Variants in CSGALNACT1 observed in about 807,000 individuals in gnomAD.
CSGALNACT1 encodes the protein beta4GalNAcT-1.
In CSGALNACT1, 52 loss-of-function variants were observed where a neutral mutation model predicts 51.0. The ratio of observed to expected loss-of-function variants is 1.02; its 90% CI spans 0.82 to 1.29. The LOEUF (loss-of-function observed/expected upper bound fraction) is 1.29. CSGALNACT1 is among the 50% of genes most tolerant of loss of function. The pLI, the probability that CSGALNACT1 is intolerant of heterozygous loss-of-function variation, is 0.00. For synonymous variants in CSGALNACT1, 341 were observed against 254.4 expected (o/e 1.34, Z -3.24); for missense variants, 935 against 679.2 (o/e 1.38, Z -4.19).
chr8:19,627,486 G>A (rs920857532), intron 1 of CSGALNACT1, among the ~76,000 whole-genome samples: 7 of 152,098 alleles, frequency 4.6e-5, no homozygotes, highest in South Asian at 4.2e-4. Flanking sequence ...ATCTAGAGAG[G>A]TAATAACATT....
chr8:19,511,698 G>C (rs375989606), intron 3 of CSGALNACT1, among the ~76,000 whole-genome samples: 1 of 152,128 alleles, frequency 6.6e-6, no homozygotes, highest in Non-Finnish European at 1.5e-5. Context: ...GTCTTGATGT[G>C]AGTGACTGTA....
chr8:19,696,248 A>C (rs531016043), intron 1 of CSGALNACT1, among the ~76,000 whole-genome samples: 1 of 152,308 alleles, frequency 6.6e-6, no homozygotes, highest in East Asian at 1.9e-4. Flanking sequence ...TCCAACTTAC[A>C]TTTTATGCAA....
intron 3 of CSGALNACT1, among the ~76,000 whole-genome samples, chr8:19,582,603 T>G (rs1284700054): frequency 6.6e-6 from 1 of 152,088 alleles, no homozygotes; most frequent in Non-Finnish European, 1.5e-5. Flanking sequence ...CATGACCCAG[T>G]CAAAGCCAAT....
chr8:19,524,766 A>T (rs1462205088), intron 3 of CSGALNACT1, among the ~76,000 whole-genome samples: 1 of 152,174 alleles, frequency 6.6e-6, no homozygotes, highest in Admixed American at 6.5e-5. Context: ...TGATTGCCTA[A>T]GCCCCCAAGA....
At chr8:19,649,841 A>AAAAAAAAAAC (rs1564347596) in intron 1 of CSGALNACT1, among the ~76,000 whole-genome samples, 1 of 149,030 alleles carries the variant, frequency 6.7e-6, no homozygotes, top group African/African-American at 2.5e-5. Context: ...AAAAAAAAAA[A>AAAAAAAAAAC]AAAACCACGG....
At chr8:19,413,459 C>T (rs561349839) in intron 8 of CSGALNACT1, among the ~76,000 whole-genome samples, 7 of 152,262 alleles carry the variant, frequency 4.6e-5, no homozygotes, top group African/African-American at 1.4e-4. Context: ...ACGTGGGCAC[C>T]GGACTGGCTT....
At chr8:19,629,327 C>T (rs766930328) in intron 1 of CSGALNACT1, among the ~76,000 whole-genome samples, 1 of 152,178 alleles carries the variant, frequency 6.6e-6, no homozygotes, top group Non-Finnish European at 1.5e-5. Context: ...TCATTGTACT[C>T]AAAATGAAAC....
chr8:19,428,867 GTGTGTGTGTA>G (rs1459805189), intron 6 of CSGALNACT1, among the ~76,000 whole-genome samples: 23 of 136,360 alleles, frequency 1.7e-4, no homozygotes, highest in African/African-American at 6.2e-4. Flanking sequence ...GTGTGTGTGT[GTGTGTGTGTA>G]TGCATGCTGT....
exon 4 of CSGALNACT1, chr8:19,505,352 A>T (rs760449929): frequency 4.3e-6 from 7 of 1,614,206 alleles, no homozygotes; most frequent in Non-Finnish European, 5.9e-6. Context: ...GGGTAAGGCC[A>T]GTCTCCAGCT....
chr8:19,710,670 T>C (rs1458083625), intron 1 of CSGALNACT1, among the ~76,000 whole-genome samples: 1 of 152,228 alleles, frequency 6.6e-6, no homozygotes, highest in Non-Finnish European at 1.5e-5. Context: ...TGAGAACATG[T>C]TTGAAGGGTA....
intron 6 of CSGALNACT1, among the ~76,000 whole-genome samples, chr8:19,435,491 C>CAA (rs35102795): frequency 0.017 from 2,379 of 138,348 alleles, 57 homozygotes; most frequent in African/African-American, 0.054. Flanking sequence ...GACTCTGAAT[C>CAA]AAAAAAAAAA....
chr8:19,523,385 C>T (rs1184401860), intron 3 of CSGALNACT1, among the ~76,000 whole-genome samples: 9 of 152,186 alleles, frequency 5.9e-5, no homozygotes, highest in Non-Finnish European at 8.8e-5. Context: ...CCACCTCGGC[C>T]TCTGGAGGAG....
intron 8 of CSGALNACT1, among the ~76,000 whole-genome samples, chr8:19,413,646 T>A (rs2056321575): frequency 6.6e-6 from 1 of 151,626 alleles, no homozygotes; most frequent in African/African-American, 2.4e-5. Context: ...TGAAGGGAGG[T>A]AGAGAGGTCA....
intron 4 of CSGALNACT1, among the ~76,000 whole-genome samples, chr8:19,467,204 C>G (rs1042631978): frequency 9.3e-5 from 13 of 140,386 alleles, no homozygotes; most frequent in Non-Finnish European, 2.0e-4. Context: ...ACTGCAAGCT[C>G]TGACTCTCGG....
At chr8:19,692,053 A>G (rs1468166101) in intron 1 of CSGALNACT1, among the ~76,000 whole-genome samples, 1 of 97,596 alleles carries the variant, frequency 1.0e-5, no homozygotes. Flanking sequence ...CAGAAGAGAA[A>G]GAGCAAGCAA....
At chr8:19,689,046 C>A (rs1265676541) in intron 1 of CSGALNACT1, 1 of 152,208 alleles carries the variant, frequency 6.6e-6, no homozygotes, top group Non-Finnish European at 1.5e-5. Context: ...TAATGAGAGG[C>A]TTCTAATGGA....
At chr8:19,426,534 A>T (rs1194761912) in intron 6 of CSGALNACT1, among the ~76,000 whole-genome samples, 4 of 152,244 alleles carry the variant, frequency 2.6e-5, no homozygotes, top group African/African-American at 9.6e-5. Flanking sequence ...ATTTTATATT[A>T]CATAACTTCC....
At chr8:19,572,410 G>T (rs977024007) in intron 3 of CSGALNACT1, among the ~76,000 whole-genome samples, 1 of 152,162 alleles carries the variant, frequency 6.6e-6, no homozygotes. Context: ...GTAATTTTCA[G>T]AACAGGTTAA....
chr8:19,626,186 G>C (rs946303110), intron 1 of CSGALNACT1, among the ~76,000 whole-genome samples: 1 of 152,170 alleles, frequency 6.6e-6, no homozygotes, highest in South Asian at 2.1e-4. Context: ...TGTAACTATA[G>C]TAATCAACAC....
Sources: allele counts gnomAD v4.1 joint callset (sites outside exome capture counted in the v4.1 genomes callset), GRCh38; gene constraint gnomAD v4.1.1; transcripts MANE v1.5; gene names NCBI Gene and HGNC (gene_info 2026-07-23, HGNC 2026-07-21).